JMJD1C: variants seen among roughly 807,000 people sequenced by gnomAD.
JMJD1C encodes jumonji domain-containing protein 1C.
A neutral mutation model predicts 245.3 loss-of-function variants in JMJD1C; 31 were observed. The ratio of observed to expected loss-of-function variants is 0.13; its 90% CI spans 0.09 to 0.17. JMJD1C has a LOEUF of 0.17. Ranked by LOEUF, JMJD1C falls within the 10% of genes least tolerant of loss-of-function variation. JMJD1C has a pLI of 1.00. For missense variants in JMJD1C, 2,691 were observed against 3,000.2 expected (o/e 0.90, Z 2.41); for synonymous variants, 1,057 against 1,017.4 (o/e 1.04, Z -0.74).
At chr10:63,262,807 A>T (rs989308794) in intron 3 of JMJD1C, among the ~76,000 whole-genome samples, 3 of 68,258 alleles carry the variant, frequency 4.4e-5, no homozygotes, top group African/African-American at 2.6e-4. Context: ...AAACTGTTTT[A>T]AAAAAAGTTA....
At chr10:63,204,115 GA>G (rs1302692898) in intron 10 of JMJD1C, 1 of 938,222 alleles carries the variant, frequency 1.1e-6, no homozygotes, top group Non-Finnish European at 1.3e-6. Flanking sequence ...AATGTAGGGA[GA>G]CTGTCTCTAA....
At chr10:63,168,320 T>TG (rs1842036347) in intron 25 of JMJD1C, 115 bp downstream of exon 25, 1 of 1,104,434 alleles carries the variant, frequency 9.1e-7, no homozygotes, top group Non-Finnish European at 1.3e-6. Context: ...TGTTAATCTT[T>TG]GGTTGTCACC....
Position 63,458,211 on chromosome 10 carries a change from G to A in JMJD1C, c.168+7284C>T, listed in dbSNP as rs1252967870. ...ATCTAATAAAAGTGTGAAGCTGGAT[G>A]CCATGGCTCACACCTCTAATCCCAA... On this transcript the variant is annotated intron_variant, in intron 1 of 25. Coordinates refer to ENST00000399262, the MANE Select transcript of JMJD1C (RefSeq NM_032776.3). Among the ~76,000 whole-genome samples, 5 of 152,118 alleles carry A rather than the reference G, an allele frequency of 3.3e-5. No individual in the cohort carries two copies. In the East Asian group the frequency reaches 5.8e-4, roughly 18 times the overall value.
chr10:63,387,636 T>TTTC lies in JMJD1C; in HGVS notation c.169-7155_169-7154insGAA, dbSNP rs1473080118. Among the ~76,000 whole-genome samples, 219 of 108,458 alleles carry TTTC rather than the reference T, an allele frequency of 2.0e-3. 4 individuals are homozygous for TTTC. Among genetic ancestry groups the TTTC allele is most frequent in the Non-Finnish European group, 3.3e-3 (175 of 52,918 alleles). The allele number at this position is 108,458 out of a possible 152,430, so 71.2% of individuals were successfully genotyped here. A position where few individuals can be genotyped will look rare whatever the true frequency, so the allele number is the denominator to read the frequency against. ...AGAAAAAAGAAAAAAAAAATTTTTT[T>TTTC]TTTTTTTTTTTTTTTTTGAGACGGA... On this transcript the variant is annotated intron_variant, in intron 1 of 25. Coordinates refer to ENST00000399262, the MANE Select transcript of JMJD1C (RefSeq NM_032776.3).
At chr10:63,219,755 T>C in intron 4 of JMJD1C, 123 bp downstream of exon 4, 1 of 571,222 alleles carries the variant, frequency 1.8e-6, no homozygotes, top group South Asian at 2.6e-5. Flanking sequence ...TTCCTGGATG[T>C]ATATAACTCA....
rs76147795 is a variant in JMJD1C, at chr10:63,308,651, G to A, written c.334-43887C>T. ...TTGGAAGCTTAAAAGGAAACTTAAG[G>A]AAACCTCCCAGAAAGAAGAATAAAA... On this transcript the variant is annotated intron_variant, in intron 2 of 25. Coordinates refer to ENST00000399262, the MANE Select transcript of JMJD1C (RefSeq NM_032776.3). Among the ~76,000 whole-genome samples, 686 of 144,672 alleles carry A rather than the reference G, an allele frequency of 4.7e-3. 5 individuals carry two copies. The highest frequency in any genetic ancestry group is 8.2e-3 in the Non-Finnish European group (547 of 66,458). 94.9% of individuals were successfully genotyped at this position (144,672 alleles called of 152,430 possible). A position where few individuals can be genotyped will look rare whatever the true frequency, so the allele number is the denominator to read the frequency against.
rs1490389597 is a variant in JMJD1C at position 63,465,641 on chromosome 10, C to G, written c.22G>C (p.Glu8Gln). The G allele has an allele frequency of 6.2e-7, 1 of 1,609,598 alleles. No individual in the cohort carries two copies. MAVETRA[E>Q]LVGKRFLCVA... ...CACAGGAACCGCTTACCCACCAGCT[C>G]TGCCCGCGTCTCTACCGCCATAGCT... The change falls in exon 1 of 26, where the codon GAG becomes CAG. Residue 8 changes from glutamate (E) to glutamine (Q), a missense_variant. Glu to Gln is a conservative substitution (Grantham distance 29). Around this residue, in one of 9 missense-constraint regions of JMJD1C, gnomAD observed 135 missense variants for 115.5 expected, o/e 1.17. Transcript: ENST00000399262.
intron 1 of JMJD1C, among the ~76,000 whole-genome samples, chr10:63,500,905 A>G (rs1376445137): frequency 6.6e-6 from 1 of 152,250 alleles, no homozygotes; most frequent in East Asian, 1.9e-4. Flanking sequence ...TTGGTTAAAA[A>G]ACAAAAACAA....
At chr10:63,437,862 C>T (rs761351564) in intron 1 of JMJD1C, among the ~76,000 whole-genome samples, 3 of 152,190 alleles carry the variant, frequency 2.0e-5, no homozygotes, top group Non-Finnish European at 4.4e-5. Flanking sequence ...CTCTTCGAAA[C>T]ACTTTTTCCA....
At chr10:63,249,415 A>G (rs1852729714) in intron 3 of JMJD1C, among the ~76,000 whole-genome samples, 1 of 152,222 alleles carries the variant, frequency 6.6e-6, no homozygotes. Flanking sequence ...AGGGAGGATG[A>G]AAAGAGTTTG....
intron 16 of JMJD1C, among the ~76,000 whole-genome samples, chr10:63,191,701 G>C (rs1011106668): frequency 1.3e-5 from 2 of 152,030 alleles, no homozygotes; most frequent in African/African-American, 4.8e-5. Flanking sequence ...ATACAGGTAA[G>C]TGGCCGGGCG....
intron 2 of JMJD1C, among the ~76,000 whole-genome samples, chr10:63,285,494 T>C (rs769468693): frequency 6.6e-6 from 1 of 152,194 alleles, no homozygotes; most frequent in Non-Finnish European, 1.5e-5. Flanking sequence ...AGTCTGACTC[T>C]TGTCTCCTTC....
chr10:63,433,462 C>T lies in JMJD1C; in HGVS notation c.168+32033G>A, dbSNP rs1002673447. ...AATAGCAGCAATGGCTTAACTGTAA[C>T]ATCAGGAATAACTCATAATTCAATT... is the stretch of plus-strand genomic sequence containing the variant. On this transcript the variant is annotated intron_variant, in intron 1 of 25. Coordinates refer to ENST00000399262, the MANE Select transcript of JMJD1C (RefSeq NM_032776.3). 2.6e-5 allele frequency among the ~76,000 whole-genome samples: 4 copies of T among 152,016 alleles called. No homozygotes were observed. The South Asian group carries it at 8.3e-4, about 32-fold the overall frequency.
chr10:63,221,655 A>G (rs949716008), intron 3 of JMJD1C, among the ~76,000 whole-genome samples: 7 of 152,216 alleles, frequency 4.6e-5, no homozygotes, highest in East Asian at 1.9e-4. Context: ...AAGTCCTATC[A>G]GACTCTAACC....
chr10:63,267,266 A>G (rs1409808063), intron 2 of JMJD1C, among the ~76,000 whole-genome samples: 1 of 152,212 alleles, frequency 6.6e-6, no homozygotes, highest in Non-Finnish European at 1.5e-5. Flanking sequence ...TACTTTAAGG[A>G]AAAATGAAAG....
At position 63,208,712 on chromosome 10, in the gene JMJD1C, G is replaced by A. The variant is rs780059054; in HGVS notation, c.2957C>T (p.Thr986Ile). Residue 986 changes from threonine (T) to isoleucine (I), a missense_variant, in exon 10 of 26, where the codon ACT becomes ATT. Transcript: ENST00000399262. ...CCTATGTAAGTGACAATCTTTTCCAGTCTGTGACCTATTTAGATCCAGGTC... is the reference window on the plus strand; with the variant it reads ...CCTATGTAAGTGACAATCTTTTCCAATCTGTGACCTATTTAGATCCAGGTC... ...KNDLDLNRSQ[T>I]GKDCHLHRHF... is the part of the protein sequence containing the mutation. The A allele has an allele frequency of 1.2e-6, 2 of 1,613,904 alleles. No homozygotes were observed. Among genetic ancestry groups the A allele is most frequent in the Non-Finnish European group, 1.7e-6 (2 of 1,179,826 alleles).
At chr10:63,254,172 C>G (rs1400010408) in intron 3 of JMJD1C, among the ~76,000 whole-genome samples, 1 of 151,674 alleles carries the variant, frequency 6.6e-6, no homozygotes, top group Non-Finnish European at 1.5e-5. Context: ...ATTCAGAATA[C>G]CCATATGCAC....
intron 2 of JMJD1C, among the ~76,000 whole-genome samples, chr10:63,293,083 A>G (rs1858974729): frequency 6.6e-6 from 1 of 152,116 alleles, no homozygotes. Flanking sequence ...ATTGCCTACA[A>G]CCAACCTAGC....
At chr10:63,474,682 T>C (rs1427890761) in intron 1 of JMJD1C, among the ~76,000 whole-genome samples, 1 of 152,088 alleles carries the variant, frequency 6.6e-6, no homozygotes, top group East Asian at 1.9e-4. Flanking sequence ...AATTCTGGCG[T>C]TACGCAATCC....
Sources: gnomAD v4.1 joint callset for allele counts (sites outside exome capture counted in the v4.1 genomes callset) on GRCh38, gnomAD v4.1.1 for gene constraint, gnomAD v4.1.1 regional missense constraint, MANE v1.5 for transcripts, NCBI Gene and HGNC (gene_info 2026-07-23, HGNC 2026-07-21) for gene names.